Variants in PRKG1 observed in about 807,000 individuals in gnomAD.
PRKG1 encodes the protein protein kinase cGMP-dependent 1.
A neutral mutation model predicts 88.1 loss-of-function variants in PRKG1; 35 were observed. That is an observed-to-expected ratio of 0.40 (90% confidence interval 0.30 to 0.53). PRKG1 has a LOEUF of 0.53. PRKG1 is among the 20% of genes least tolerant of loss of function. The pLI, the probability that PRKG1 is intolerant of heterozygous loss-of-function variation, is 0.59. For missense variants in PRKG1, 540 were observed against 839.8 expected (o/e 0.64, Z 4.41); for synonymous variants, 303 against 292.5 (o/e 1.04, Z -0.37).
At chr10:51,479,538 A>G (rs368982844) in intron 3 of PRKG1, among the ~76,000 whole-genome samples, 1 of 151,938 alleles carries the variant, frequency 6.6e-6, no homozygotes, top group African/African-American at 2.4e-5. Flanking sequence ...CACTTATATG[A>G]TAATATTAGT....
At chr10:51,195,526 A>G (rs1296109863) in intron 2 of PRKG1, among the ~76,000 whole-genome samples, 1 of 152,170 alleles carries the variant, frequency 6.6e-6, no homozygotes, top group Non-Finnish European at 1.5e-5. Context: ...AAAAATAAGG[A>G]TGAGAAATTT....
At chr10:51,666,232 C>A (rs1453939083) in intron 3 of PRKG1, among the ~76,000 whole-genome samples, 5 of 152,190 alleles carry the variant, frequency 3.3e-5, no homozygotes, top group African/African-American at 1.2e-4. Flanking sequence ...GGCACAATCT[C>A]TGCTGCTAAA....
chr10:51,988,655 A>G (rs1844224553), intron 5 of PRKG1, among the ~76,000 whole-genome samples: 1 of 152,008 alleles, frequency 6.6e-6, no homozygotes, highest in Non-Finnish European at 1.5e-5. Flanking sequence ...TCTTCTGTGA[A>G]TTATCTATGC....
chr10:52,166,469 T>C (rs1198750861), intron 9 of PRKG1, among the ~76,000 whole-genome samples: 3 of 142,408 alleles, frequency 2.1e-5, no homozygotes, highest in Non-Finnish European at 4.6e-5. Flanking sequence ...AGTCTCGCTC[T>C]GTCGCCCAGG....
At chr10:51,915,049 A>T (rs925613057) in intron 5 of PRKG1, among the ~76,000 whole-genome samples, 4 of 152,176 alleles carry the variant, frequency 2.6e-5, no homozygotes, top group Admixed American at 2.6e-4. Flanking sequence ...ACTTACTCTT[A>T]CTTGCTGCCA....
intron 9 of PRKG1, among the ~76,000 whole-genome samples, chr10:52,213,358 G>A (rs995709473): frequency 7.2e-5 from 11 of 152,064 alleles, no homozygotes; most frequent in Non-Finnish European, 1.5e-4. Context: ...TTTAAGACTC[G>A]TCATGGAAAC....
intron 2 of PRKG1, among the ~76,000 whole-genome samples, chr10:51,196,699 CT>C (rs1450582894): frequency 6.6e-6 from 1 of 152,174 alleles, no homozygotes; most frequent in Non-Finnish European, 1.5e-5. Context: ...AAAGTTTAAA[CT>C]TCAGGTGTGG....
intron 8 of PRKG1, among the ~76,000 whole-genome samples, chr10:52,155,714 G>T (rs1221446917): frequency 1.4e-5 from 1 of 73,622 alleles, no homozygotes; most frequent in Non-Finnish European, 3.5e-5. Context: ...CTTTCAATTT[G>T]TTAACCTATT....
intron 3 of PRKG1, among the ~76,000 whole-genome samples, chr10:51,496,687 C>A (rs1013230180): frequency 2.6e-5 from 4 of 152,088 alleles, no homozygotes; most frequent in Non-Finnish European, 5.9e-5. Flanking sequence ...TCCAAATGGT[C>A]TATTTTCTCA....
chr10:51,041,935 T>C (rs1843429478), intron 1 of PRKG1, among the ~76,000 whole-genome samples: 1 of 152,188 alleles, frequency 6.6e-6, no homozygotes, highest in Non-Finnish European at 1.5e-5. Flanking sequence ...ACAGTCAAGG[T>C]ACTTGTTATT....
intron 7 of PRKG1, among the ~76,000 whole-genome samples, chr10:52,104,665 C>T (rs972163930): frequency 2.0e-5 from 3 of 152,114 alleles, no homozygotes; most frequent in Non-Finnish European, 2.9e-5. Context: ...TCTTTCCAAG[C>T]CTGAAATCCT....
At chr10:52,027,239 C>T (rs536965257) in intron 5 of PRKG1, among the ~76,000 whole-genome samples, 7 of 152,138 alleles carry the variant, frequency 4.6e-5, no homozygotes, top group South Asian at 2.1e-4. Flanking sequence ...TGATGGATAG[C>T]GACAACAGCA....
At chr10:51,636,010 G>A (rs536736604) in intron 3 of PRKG1, among the ~76,000 whole-genome samples, 2 of 152,200 alleles carry the variant, frequency 1.3e-5, no homozygotes, top group South Asian at 2.1e-4. Flanking sequence ...AATAAATCAG[G>A]AAATCTATGG....
At chr10:51,857,946 A>T (rs1840724481) in intron 4 of PRKG1, among the ~76,000 whole-genome samples, 1 of 149,598 alleles carries the variant, frequency 6.7e-6, no homozygotes, top group Admixed American at 6.8e-5. Context: ...AAATGTATGG[A>T]TGCTATTACC....
In PRKG1 at chr10:51,449,085, T is replaced by G. The variant is rs181585628; in HGVS notation, c.479-18638T>G. 1.8e-3 allele frequency among the ~76,000 whole-genome samples: 281 copies of G among 152,102 alleles called. 1 individual carries two copies. The highest frequency in any genetic ancestry group is 6.4e-3 in the African/African-American group (267 of 41,530). ...CCTCACCTAATATAAATAGCCATGA[T>G]GCATTGGTTTCTATTTGGTGTAATA... On this transcript the variant is annotated intron_variant, in intron 2 of 17. Transcript: ENST00000373980.
At chr10:51,454,174 G>A (rs1385689395) in intron 2 of PRKG1, among the ~76,000 whole-genome samples, 1 of 151,944 alleles carries the variant, frequency 6.6e-6, no homozygotes, top group Non-Finnish European at 1.5e-5. Flanking sequence ...ACTGCCAAAA[G>A]CAATCTAAGG....
At chr10:51,447,681 C>T (rs1319115343) in intron 2 of PRKG1, among the ~76,000 whole-genome samples, 1 of 152,106 alleles carries the variant, frequency 6.6e-6, no homozygotes, top group African/African-American at 2.4e-5. Flanking sequence ...CCATCTACCA[C>T]ATACCACCAT....
chr10:51,315,504 T>C (rs557936318), intron 2 of PRKG1, among the ~76,000 whole-genome samples: 137 of 152,360 alleles, frequency 9.0e-4, no homozygotes, highest in African/African-American at 2.9e-3. Flanking sequence ...TCTTGAATAC[T>C]AATCTGGAAT....
intron 4 of PRKG1, among the ~76,000 whole-genome samples, chr10:51,840,173 G>A (rs1840234931): frequency 6.6e-6 from 1 of 152,130 alleles, no homozygotes; most frequent in Non-Finnish European, 1.5e-5. Context: ...GAACAGTGGT[G>A]TACATAAATG....
Sources: gnomAD v4.1 joint callset for allele counts (sites outside exome capture counted in the v4.1 genomes callset) on GRCh38, gnomAD v4.1.1 for gene constraint, MANE v1.5 for transcripts, NCBI Gene and HGNC (gene_info 2026-07-23, HGNC 2026-07-21) for gene names.